GRB10: variants seen among roughly 807,000 people sequenced by gnomAD.
GRB10 encodes the protein growth factor receptor bound protein 10, also known as growth factor receptor-bound protein 10.
GRB10 carries 20 observed loss-of-function variants against 80.9 expected under a neutral mutation model. That is an observed-to-expected ratio of 0.25 (90% CI 0.17 to 0.36). The LOEUF (loss-of-function observed/expected upper bound fraction) is 0.36, where lower values mean the gene tolerates loss of function less well. Among genes scored for constraint, GRB10 ranks in the 10% least tolerant of loss-of-function variants. The pLI is 1.00. For missense variants in GRB10, 548 were observed against 747.7 expected, an observed-to-expected ratio of 0.73 and a Z score of 3.12; for synonymous variants, 291 against 291.5, an observed-to-expected ratio of 1.00 and a Z score of 0.02.
At chr7:50,618,288 T>C in intron 9 of GRB10, 149 bp from the exon 10 acceptor site, 2 of 694,898 alleles carry the variant, frequency 2.9e-6, no homozygotes, top group South Asian at 3.2e-5. Flanking sequence ...TATTCTCCTA[T>C]CACACAGAAG....
chr7:50,636,584 G>A (rs1427976564), intron 7 of GRB10, among the ~76,000 whole-genome samples: 2 of 151,646 alleles, frequency 1.3e-5, no homozygotes, highest in Non-Finnish European at 2.9e-5. Flanking sequence ...GACATCTGCA[G>A]ATCAATAAAT....
At chr7:50,640,161 T>C (rs2237448) in intron 7 of GRB10, among the ~76,000 whole-genome samples, 57,849 of 152,160 alleles carry the variant, frequency 0.38, 11,460 homozygotes, top group Middle Eastern at 0.52. Context: ...GGGGCTAAGA[T>C]TCCAGAAGGG....
At chr7:50,654,867 T>C (rs1586428724) in intron 7 of GRB10, among the ~76,000 whole-genome samples, 1 of 152,188 alleles carries the variant, frequency 6.6e-6, no homozygotes, top group East Asian at 1.9e-4. Context: ...AGTACAATGA[T>C]CAAAATCAGG....
intron 4 of GRB10, among the ~76,000 whole-genome samples, chr7:50,723,534 A>C (rs1288631456): frequency 2.6e-5 from 4 of 152,218 alleles, no homozygotes; most frequent in Non-Finnish European, 5.9e-5. Flanking sequence ...GCTAAACCAG[A>C]GTCTGGGGGC....
At chr7:50,722,726 G>A (rs796685664) in intron 4 of GRB10, among the ~76,000 whole-genome samples, 20 of 152,146 alleles carry the variant, frequency 1.3e-4, no homozygotes, top group African/African-American at 3.9e-4. Context: ...ACAGGGTACC[G>A]CCCCCTCTCC....
At chr7:50,622,053 T>C (rs999436953) in intron 8 of GRB10, among the ~76,000 whole-genome samples, 1 of 152,146 alleles carries the variant, frequency 6.6e-6, no homozygotes. Flanking sequence ...CTGCAGCCCT[T>C]GGGCCACTCC....
At chr7:50,645,479 C>A in intron 7 of GRB10, 2 of 407,008 alleles carry the variant, frequency 4.9e-6, no homozygotes, top group Non-Finnish European at 6.6e-6. Context: ...GCCAAAAACA[C>A]TGCCATTTGG....
At chr7:50,768,554 A>G (rs1435048231) in intron 2 of GRB10, among the ~76,000 whole-genome samples, 2 of 152,176 alleles carry the variant, frequency 1.3e-5, no homozygotes, top group African/African-American at 2.4e-5. Context: ...TGTCATCACT[A>G]TGTTCTCAAT....
intron 3 of GRB10, among the ~76,000 whole-genome samples, chr7:50,751,896 C>T (rs375025996): frequency 1.3e-5 from 2 of 152,190 alleles, no homozygotes. Flanking sequence ...AGGGGAAATA[C>T]AGAGTTAGGT....
intron 5 of GRB10, among the ~76,000 whole-genome samples, chr7:50,697,852 T>C (rs1278477844): frequency 6.6e-6 from 1 of 152,204 alleles, no homozygotes; most frequent in East Asian, 1.9e-4. Flanking sequence ...GAAGGAGCCT[T>C]TGTACCCAGT....
chr7:50,665,859 G>T (rs2059744045), intron 7 of GRB10, among the ~76,000 whole-genome samples: 1 of 152,190 alleles, frequency 6.6e-6, no homozygotes, highest in Non-Finnish European at 1.5e-5. Context: ...AGCCCCCTTT[G>T]CGCCGGTGTA....
Position 50,777,932 on chromosome 7 carries a change from G to C in GRB10, c.-217+2695C>G, listed in dbSNP as rs1300384463. Among the ~76,000 whole-genome samples, 15 of 152,170 alleles carry C rather than the reference G, an allele frequency of 9.9e-5. 1 individual carries two copies. The highest frequency in any genetic ancestry group is 9.8e-4 in the Admixed American group (15 of 15,284). On this transcript the variant is annotated intron_variant, in intron 2 of 18. Transcript: ENST00000401949. The stretch of plus-strand genomic sequence containing the variant: ...GCCTGTCAGGGAGGGGAGAGGGACT[G>C]AGGGGAGGGAAAACATCAGGACAAA...
At chr7:50,673,421 C>T (rs1426851487) in intron 6 of GRB10, among the ~76,000 whole-genome samples, 1 of 152,176 alleles carries the variant, frequency 6.6e-6, no homozygotes, top group Non-Finnish European at 1.5e-5. Flanking sequence ...AGCACCTTCA[C>T]CTTCGACATG....
rs192892666 is a variant in GRB10, at chr7:50,686,600, G to A, written c.140-11942C>T. Among the ~76,000 whole-genome samples, 219 of 152,324 alleles carry A rather than the reference G, an allele frequency of 1.4e-3. 1 individual carries two copies. Among genetic ancestry groups the A allele is most frequent in the Non-Finnish European group, 2.4e-3 (161 of 68,024 alleles). ...AGTGGGGAGTCATGAGAGAGGAAAA[G>A]ACTCATGTTTTGATTTTTATTGTTT... On this transcript the variant is annotated intron_variant, in intron 5 of 18. Coordinates refer to ENST00000401949, the MANE Select transcript of GRB10 (RefSeq NM_001350814.2).
intron 4 of GRB10, among the ~76,000 whole-genome samples, chr7:50,714,532 G>A (rs866151923): frequency 1.9e-4 from 29 of 151,946 alleles, no homozygotes; most frequent in African/African-American, 6.3e-4. Flanking sequence ...GTGTGGTGGC[G>A]GGCGCCTGTA....
Position 50,693,401 on chromosome 7 carries a change from A to G in GRB10, c.139+10420T>C, listed in dbSNP as rs571767376. On this transcript the variant is annotated intron_variant, in intron 5 of 18. Transcript: ENST00000401949. ...ACTAGAAAGGAAAGCATTGCACCAAATACATTGCTACAAATTAAAGCTGCA... is the reference window on the plus strand; with the variant it reads ...ACTAGAAAGGAAAGCATTGCACCAAGTACATTGCTACAAATTAAAGCTGCA... 3.3e-5 allele frequency among the ~76,000 whole-genome samples: 5 copies of G among 152,324 alleles called. No homozygotes were observed. In the South Asian group the frequency reaches 1.0e-3, roughly 32 times the overall value.
intron 2 of GRB10, among the ~76,000 whole-genome samples, chr7:50,760,810 G>C (rs2075684033): frequency 6.6e-6 from 1 of 152,162 alleles, no homozygotes; most frequent in African/African-American, 2.4e-5. Context: ...CAGGATCCCT[G>C]GGACTAGAAT....
At chr7:50,603,461 C>A (rs1266200857) in intron 17 of GRB10, among the ~76,000 whole-genome samples, 2 of 152,194 alleles carry the variant, frequency 1.3e-5, no homozygotes, top group African/African-American at 4.8e-5. Flanking sequence ...GACACATGCC[C>A]AGTCACTAAT....
intron 13 of GRB10, chr7:50,607,195 T>C (rs973462206): frequency 6.6e-6 from 1 of 152,380 alleles, no homozygotes; most frequent in Non-Finnish European, 1.5e-5. Flanking sequence ...ATTATGAGAG[T>C]AATACAGCAG....
Sources: gnomAD v4.1 joint callset for allele counts (sites outside exome capture counted in the v4.1 genomes callset) on GRCh38, gnomAD v4.1.1 for gene constraint, MANE v1.5 for transcripts, NCBI Gene and HGNC (gene_info 2026-07-23, HGNC 2026-07-21) for gene names.